Variants in LUZP2 observed in about 807,000 individuals in gnomAD.
LUZP2 encodes leucine zipper protein 2.
Under a neutral mutation model 51.6 loss-of-function variants are expected in LUZP2, and 52 were observed. The ratio of observed to expected loss-of-function variants is 1.01; its 90% confidence interval spans 0.81 to 1.27. The LOEUF (loss-of-function observed/expected upper bound fraction) is 1.27. Among genes scored for constraint, LUZP2 ranks in the 50% most tolerant of loss-of-function variants. The pLI is 0.00. For missense variants in LUZP2, 436 were observed against 395.4 expected, an observed-to-expected ratio of 1.10 and a Z score of -0.87; for synonymous variants, 154 against 137.3, an observed-to-expected ratio of 1.12 and a Z score of -0.85.
chr11:24,798,577 G>A (rs1849610486), intron 5 of LUZP2, among the ~76,000 whole-genome samples: 1 of 152,176 alleles, frequency 6.6e-6, no homozygotes, highest in Admixed American at 6.5e-5. Flanking sequence ...TCTGCCTTGT[G>A]TGCAATACCA....
chr11:24,546,232 G>T (rs949047729), intron 1 of LUZP2, among the ~76,000 whole-genome samples: 3 of 152,062 alleles, frequency 2.0e-5, no homozygotes, highest in African/African-American at 7.2e-5. Context: ...TACAAATAAG[G>T]ATAGTTTGAC....
intron 1 of LUZP2, among the ~76,000 whole-genome samples, chr11:24,593,108 A>G (rs1042933885): frequency 6.6e-6 from 1 of 152,096 alleles, no homozygotes; most frequent in African/African-American, 2.4e-5. Context: ...CCTTGAGGAG[A>G]GTGCTACTAC....
chr11:24,957,835 T>C (rs538314402), intron 7 of LUZP2, among the ~76,000 whole-genome samples: 44 of 152,268 alleles, frequency 2.9e-4, no homozygotes, highest in Admixed American at 5.2e-4. Flanking sequence ...ACATGTGCCA[T>C]GCTGGTGCAC....
chr11:24,722,420 A>C (rs1461958407), intron 1 of LUZP2, among the ~76,000 whole-genome samples: 1 of 152,098 alleles, frequency 6.6e-6, no homozygotes, highest in African/African-American at 2.4e-5. Flanking sequence ...GATCCATCAG[A>C]TCTCATGAGA....
chr11:24,758,880 T>C (rs1859871905), intron 4 of LUZP2, among the ~76,000 whole-genome samples: 1 of 152,002 alleles, frequency 6.6e-6, no homozygotes, highest in Non-Finnish European at 1.5e-5. Flanking sequence ...ATTTTTTCAT[T>C]GATTGAAAAA....
intron 10 of LUZP2, among the ~76,000 whole-genome samples, chr11:25,074,727 T>G (rs1859249971): frequency 6.6e-6 from 1 of 152,190 alleles, no homozygotes; most frequent in African/African-American, 2.4e-5. Context: ...TAGGTACATT[T>G]GAATTGCTAG....
intron 1 of LUZP2, among the ~76,000 whole-genome samples, chr11:24,663,895 C>T (rs1856113410): frequency 6.6e-6 from 1 of 152,106 alleles, no homozygotes; most frequent in Admixed American, 6.6e-5. Context: ...TCTTTACCAC[C>T]ATGATTGTAA....
At chr11:25,041,802 G>A (rs560687500) in intron 9 of LUZP2, among the ~76,000 whole-genome samples, 3 of 152,232 alleles carry the variant, frequency 2.0e-5, no homozygotes, top group East Asian at 3.9e-4. Context: ...TTAGGAAGCC[G>A]GCCACACAGC....
At chr11:25,017,632 G>A (rs1269596121) in intron 9 of LUZP2, among the ~76,000 whole-genome samples, 2 of 152,082 alleles carry the variant, frequency 1.3e-5, no homozygotes, top group Admixed American at 6.6e-5. Flanking sequence ...TTTTATACCA[G>A]CACCAGGCTG....
chr11:24,931,494 C>T (rs1009625403), intron 7 of LUZP2, among the ~76,000 whole-genome samples: 3 of 152,092 alleles, frequency 2.0e-5, no homozygotes, highest in Non-Finnish European at 4.4e-5. Flanking sequence ...TGGCATTCAG[C>T]ATACAGAGGA....
intron 3 of LUZP2, among the ~76,000 whole-genome samples, chr11:24,737,922 A>G (rs1179147099): frequency 6.6e-6 from 1 of 152,052 alleles, no homozygotes; most frequent in East Asian, 1.9e-4. Flanking sequence ...TGAATTATAT[A>G]TTGCTTTGAT....
At chr11:24,903,329 G>C (rs187680849) in intron 5 of LUZP2, among the ~76,000 whole-genome samples, 3 of 152,224 alleles carry the variant, frequency 2.0e-5, no homozygotes, top group Non-Finnish European at 4.4e-5. Flanking sequence ...CCTCCCATTT[G>C]TGTAAAACAT....
intron 1 of LUZP2, among the ~76,000 whole-genome samples, chr11:24,537,638 C>T (rs946020136): frequency 1.0e-5 from 1 of 95,416 alleles, no homozygotes; most frequent in African/African-American, 3.3e-5. Context: ...AGCTTTTTAC[C>T]ACTTCTGAAG....
intron 9 of LUZP2, among the ~76,000 whole-genome samples, chr11:25,017,082 G>A (rs1262620847): frequency 7.9e-5 from 12 of 151,976 alleles, no homozygotes; most frequent in Admixed American, 7.9e-4. Flanking sequence ...ATTTTGTGAA[G>A]TATCTATTCA....
chr11:24,782,183 C>T (rs1478497810), intron 5 of LUZP2, among the ~76,000 whole-genome samples: 9 of 152,034 alleles, frequency 5.9e-5, no homozygotes, highest in Non-Finnish European at 2.9e-5. Flanking sequence ...CTGAAGAGTT[C>T]ACAGAAAAGC....
rs1486703 is a variant in LUZP2, at chr11:24,848,904, C to A, written c.397-57087C>A. On this transcript the variant is annotated intron_variant, in intron 5 of 11. Coordinates refer to ENST00000336930, the MANE Select transcript of LUZP2 (RefSeq NM_001009909.4). Reference sequence around the variant, plus strand: ...TTAATATAGGAGCATAGGAGCATACCTCAAAAACTAGGCACAGAAAGAGCA... The same window carrying A: ...TTAATATAGGAGCATAGGAGCATACATCAAAAACTAGGCACAGAAAGAGCA... 2.6e-5 allele frequency among the ~76,000 whole-genome samples: 4 copies of A among 151,882 alleles called. No homozygotes were observed. In the East Asian group the frequency reaches 5.8e-4, roughly 22 times the overall value.
chr11:24,762,891 G>C (rs1263576840), intron 4 of LUZP2: 2 of 608,922 alleles, frequency 3.3e-6, no homozygotes, highest in East Asian at 1.4e-4. Flanking sequence ...TTTAGAAATA[G>C]AGATTCCTAG....
rs550421841 is a variant in LUZP2 at position 24,600,619 on chromosome 11, C to G, written c.62+103314C>G. Among the ~76,000 whole-genome samples the G allele has an allele frequency of 4.6e-5, 7 of 152,204 alleles. No individual in the cohort carries two copies. In the South Asian group the frequency reaches 1.2e-3, roughly 27 times the overall value. ...GTATTTTTCCGCAAATTATCAAACT[C>G]TAACTAAAACTTAGCTCACTTCTGT... On this transcript the variant is annotated intron_variant, in intron 1 of 11. Transcript: ENST00000336930.
intron 10 of LUZP2, among the ~76,000 whole-genome samples, chr11:25,062,255 CCAAA>C (rs1208947756): frequency 1.3e-5 from 2 of 150,638 alleles, no homozygotes; most frequent in African/African-American, 2.4e-5. Flanking sequence ...ACAACAATGG[CCAAA>C]CAGATAGGTA....
Sources: gnomAD v4.1 joint callset for allele counts (sites outside exome capture counted in the v4.1 genomes callset) on GRCh38, gnomAD v4.1.1 for gene constraint, MANE v1.5 for transcripts, NCBI Gene and HGNC (gene_info 2026-07-23, HGNC 2026-07-21) for gene names.